RBMS1: variants seen among roughly 807,000 people sequenced by gnomAD.
The protein encoded by RBMS1 is RNA binding motif single stranded interacting protein 1.
Under a neutral mutation model 62.3 loss-of-function variants are expected in RBMS1, and 17 were observed. That is an observed-to-expected ratio of 0.27 (90% confidence interval 0.19 to 0.41). The LOEUF (loss-of-function observed/expected upper bound fraction) is 0.41, where lower values mean the gene tolerates loss of function less well. Ranked by LOEUF, RBMS1 falls within the 10% of genes least tolerant of loss-of-function variation. RBMS1 has a pLI of 1.00. For missense variants in RBMS1, 334 were observed against 504.5 expected, an observed-to-expected ratio of 0.66 and a Z score of 3.24; for synonymous variants, 172 against 170.0, an observed-to-expected ratio of 1.01 and a Z score of -0.09.
At chr2:160,365,353 G>C (rs961864659) in intron 2 of RBMS1, among the ~76,000 whole-genome samples, 1 of 152,196 alleles carries the variant, frequency 6.6e-6, no homozygotes, top group Admixed American at 6.5e-5. Flanking sequence ...CAAGTGACGG[G>C]AGAGAGTGAG....
At chr2:160,318,625 C>T (rs989879159) in intron 2 of RBMS1, among the ~76,000 whole-genome samples, 1 of 152,200 alleles carries the variant, frequency 6.6e-6, no homozygotes, top group African/African-American at 2.4e-5. Context: ...GTCCTATGAT[C>T]CATACAGCTT....
chr2:160,427,239 A>G (rs1368005883), intron 1 of RBMS1, among the ~76,000 whole-genome samples: 1 of 152,208 alleles, frequency 6.6e-6, no homozygotes, highest in Non-Finnish European at 1.5e-5. Context: ...ATAAAGAAGT[A>G]TAATATTTAG....
rs1239477056 is a variant in RBMS1, at chr2:160,272,979, C to T, written c.*1793G>A. On this transcript the variant is annotated 3_prime_UTR_variant, in exon 14 of 14. Transcript: ENST00000348849. ...GGTCTGTGGAAACAGGGAGGGCCAG[C>T]AACCTGTCCCAGCACAAAAGAAAAT... 1 of 152,202 alleles carries T rather than the reference C, an allele frequency of 6.6e-6. No individual in the cohort carries two copies. The highest frequency in any genetic ancestry group is 1.5e-5 in the Non-Finnish European group (1 of 68,036). The allele number at this position is 152,202 out of a possible 1,614,324, so 9.4% of individuals were successfully genotyped here. A position where few individuals can be genotyped will look rare whatever the true frequency, so the allele number is the denominator to read the frequency against.
chr2:160,403,025 A>G (rs1005225074), intron 1 of RBMS1, among the ~76,000 whole-genome samples: 8 of 152,232 alleles, frequency 5.3e-5, no homozygotes, highest in African/African-American at 1.7e-4. Context: ...GTAAAAAACT[A>G]GAAGTATGTT....
At chr2:160,319,932 C>T (rs544646718) in intron 2 of RBMS1, among the ~76,000 whole-genome samples, 1 of 152,274 alleles carries the variant, frequency 6.6e-6, no homozygotes, top group South Asian at 2.1e-4. Flanking sequence ...ATGACAATTA[C>T]ATCTAAGAGG....
intron 1 of RBMS1, among the ~76,000 whole-genome samples, chr2:160,440,702 G>C (rs1393722460): frequency 6.6e-6 from 1 of 152,156 alleles, no homozygotes; most frequent in Non-Finnish European, 1.5e-5. Context: ...GTCACTCTCT[G>C]TAACATTCTT....
chr2:160,475,628 T>G (rs1450140587), intron 1 of RBMS1, among the ~76,000 whole-genome samples: 4 of 152,204 alleles, frequency 2.6e-5, no homozygotes. Flanking sequence ...AAATACCAAG[T>G]TTGCGTATGT....
intron 1 of RBMS1, among the ~76,000 whole-genome samples, chr2:160,390,893 A>C (rs1333942905): frequency 8.2e-6 from 1 of 122,092 alleles, no homozygotes; most frequent in African/African-American, 2.6e-5. Flanking sequence ...ACAACCACCA[A>C]AAAAAAAAAA....
At chr2:160,301,121 C>CA (rs5835798) in intron 5 of RBMS1, among the ~76,000 whole-genome samples, 48,870 of 152,088 alleles carry the variant, frequency 0.32, 8,095 homozygotes, top group East Asian at 0.53. Context: ...AAATACTAGT[C>CA]ATTTTAAAAT....
At chr2:160,402,928 C>T (rs1329453015) in intron 1 of RBMS1, among the ~76,000 whole-genome samples, 1 of 152,130 alleles carries the variant, frequency 6.6e-6, no homozygotes, top group African/African-American at 2.4e-5. Context: ...ATCAGATAGA[C>T]TCTTACCCTC....
At chr2:160,382,115 G>C (rs1316692204) in intron 1 of RBMS1, among the ~76,000 whole-genome samples, 1 of 152,162 alleles carries the variant, frequency 6.6e-6, no homozygotes, top group African/African-American at 2.4e-5. Context: ...AAGGAACATA[G>C]ATTAACATTA....
chr2:160,410,985 G>GC (rs907837238), intron 1 of RBMS1, among the ~76,000 whole-genome samples: 1 of 152,070 alleles, frequency 6.6e-6, no homozygotes, highest in African/African-American at 2.4e-5. Flanking sequence ...CTCGTGATCC[G>GC]CCCATCTCGG....
At chr2:160,394,388 G>C (rs192825328) in intron 1 of RBMS1, among the ~76,000 whole-genome samples, 3 of 152,286 alleles carry the variant, frequency 2.0e-5, no homozygotes, top group Admixed American at 2.0e-4. Context: ...GGAAGGGACT[G>C]AAAGTATGCA....
chr2:160,363,819 C>T (rs562684209), intron 2 of RBMS1, among the ~76,000 whole-genome samples: 3 of 151,780 alleles, frequency 2.0e-5, no homozygotes, highest in Admixed American at 2.0e-4. Flanking sequence ...TGGAGAATAA[C>T]CCTATCAGAG....
intron 1 of RBMS1, among the ~76,000 whole-genome samples, chr2:160,454,540 C>CAGA (rs1684134651): frequency 6.6e-6 from 1 of 152,124 alleles, no homozygotes; most frequent in Non-Finnish European, 1.5e-5. Context: ...AGGAATTAAC[C>CAGA]ATGTAAAGAA....
chr2:160,360,582 T>C (rs1258034619), intron 2 of RBMS1, among the ~76,000 whole-genome samples: 2 of 152,132 alleles, frequency 1.3e-5, no homozygotes, highest in African/African-American at 4.8e-5. Flanking sequence ...AACTAACAAC[T>C]GCCGAGTGCC....
intron 6 of RBMS1, among the ~76,000 whole-genome samples, chr2:160,299,029 T>C (rs1689078729): frequency 1.3e-5 from 2 of 152,218 alleles, no homozygotes; most frequent in African/African-American, 2.4e-5. Context: ...CTTGGACTTC[T>C]GGCCTCCAGA....
At chr2:160,293,532 A>C (rs1688784111) in intron 6 of RBMS1, among the ~76,000 whole-genome samples, 1 of 152,226 alleles carries the variant, frequency 6.6e-6, no homozygotes, top group South Asian at 2.1e-4. Flanking sequence ...AACACTGAGA[A>C]TCTAACAGGC....
At chr2:160,410,010 C>T (rs934514605) in intron 1 of RBMS1, among the ~76,000 whole-genome samples, 2 of 152,082 alleles carry the variant, frequency 1.3e-5, no homozygotes, top group Admixed American at 6.5e-5. Flanking sequence ...GGGCGGATCA[C>T]GAGGTCTCGA....
Sources: gnomAD v4.1 joint callset for allele counts (sites outside exome capture counted in the v4.1 genomes callset) on GRCh38, gnomAD v4.1.1 for gene constraint, MANE v1.5 for transcripts, NCBI Gene and HGNC (gene_info 2026-07-23, HGNC 2026-07-21) for gene names.